Variants in OLFM2 observed in about 807,000 individuals in gnomAD.
OLFM2 encodes the protein olfactomedin 2.
OLFM2 carries 20 observed loss-of-function variants against 43.9 expected under a neutral mutation model. That is an observed-to-expected ratio of 0.46 (90% CI 0.32 to 0.66). OLFM2 has a LOEUF of 0.66. Ranked by LOEUF, OLFM2 falls within the 30% of genes least tolerant of loss-of-function variation. OLFM2 has a pLI of 0.04. For missense variants in OLFM2, 416 were observed against 643.6 expected (o/e 0.65, Z 3.83); for synonymous variants, 268 against 278.6 (o/e 0.96, Z 0.38).
chr19:9,864,788 T>C (rs975211231), intron 1 of OLFM2, among the ~76,000 whole-genome samples: 1 of 12,070 alleles, frequency 8.3e-5, no homozygotes, highest in Non-Finnish European at 2.5e-4. Context: ...CACACCCAGC[T>C]TTTTTTTTTT....
intron 1 of OLFM2, among the ~76,000 whole-genome samples, chr19:9,910,378 G>A (rs1257319426): frequency 6.6e-6 from 1 of 152,058 alleles, no homozygotes; most frequent in Non-Finnish European, 1.5e-5. Flanking sequence ...CACTGAGCTG[G>A]GGGTTTTCAA....
chr19:9,935,083 CA>C (rs2086507490), intron 1 of OLFM2, among the ~76,000 whole-genome samples: 3 of 152,138 alleles, frequency 2.0e-5, no homozygotes, highest in African/African-American at 7.2e-5. Context: ...CGAGCTTGAG[CA>C]AGTGATTTAA....
At chr19:9,911,568 T>C (rs2046827615) in intron 1 of OLFM2, among the ~76,000 whole-genome samples, 1 of 152,050 alleles carries the variant, frequency 6.6e-6, no homozygotes, top group Non-Finnish European at 1.5e-5. Flanking sequence ...ACACACACTT[T>C]CATAAATACA....
At chr19:9,904,006 A>C (rs1380820624) in intron 1 of OLFM2, among the ~76,000 whole-genome samples, 2 of 152,192 alleles carry the variant, frequency 1.3e-5, no homozygotes, top group South Asian at 2.1e-4. Context: ...TGGGCACTAC[A>C]CTGAGGGCTG....
chr19:9,854,918 C>G lies in OLFM2; in HGVS notation c.688-55G>C. 8 of 1,368,156 alleles carry G rather than the reference C, an allele frequency of 5.8e-6. 1 individual carries two copies. The South Asian group carries it at 1.0e-4, about 17-fold the overall frequency. The allele number at this position is 1,368,156 out of a possible 1,614,324, so 84.8% of individuals were successfully genotyped here. A position where few individuals can be genotyped will look rare whatever the true frequency, so the allele number is the denominator to read the frequency against. On this transcript the variant is annotated intron_variant, in intron 5 of 5. Transcript: ENST00000264833. This position sits in a 1 kb window ranked among gnomAD's most constrained non-coding sequence, Gnocchi z 9.5. ...GAACCACCACCAACGACCCAAGGGTCCCAGCACCAGCTACAGCCATTAGAG... is the reference window on the plus strand; with the variant it reads ...GAACCACCACCAACGACCCAAGGGTGCCAGCACCAGCTACAGCCATTAGAG...
chr19:9,862,903 G>A (rs893158894), intron 1 of OLFM2, among the ~76,000 whole-genome samples: 62 of 140,766 alleles, frequency 4.4e-4, no homozygotes, highest in African/African-American at 1.4e-3. Context: ...TGAACCTGGC[G>A]GGGTGGGGGC....
chr19:9,909,429 T>C (rs2046810503), intron 1 of OLFM2, among the ~76,000 whole-genome samples: 1 of 152,200 alleles, frequency 6.6e-6, no homozygotes, highest in Admixed American at 6.5e-5. Context: ...GGATGGTTTA[T>C]GGCTGGGAGT....
chr19:9,891,457 T>C (rs1241021403), intron 1 of OLFM2, among the ~76,000 whole-genome samples: 5 of 151,340 alleles, frequency 3.3e-5, no homozygotes, highest in Non-Finnish European at 5.9e-5. Flanking sequence ...AAATCCTGTC[T>C]CTACTAAAAA....
chr19:9,900,299 C>T (rs980839935), intron 1 of OLFM2, among the ~76,000 whole-genome samples: 1 of 151,986 alleles, frequency 6.6e-6, no homozygotes, highest in African/African-American at 2.4e-5. Flanking sequence ...AAAAGATGGA[C>T]CTTCTCCAGC....
intron 1 of OLFM2, among the ~76,000 whole-genome samples, chr19:9,890,200 C>A (rs7245579): frequency 6.6e-6 from 1 of 152,042 alleles, no homozygotes. Flanking sequence ...TTCTTCTTCC[C>A]CAGTGTCTGT....
chr19:9,924,646 T>C (rs1333800936), intron 1 of OLFM2, among the ~76,000 whole-genome samples: 1 of 151,942 alleles, frequency 6.6e-6, no homozygotes, highest in Non-Finnish European at 1.5e-5. Context: ...TACATGCAAG[T>C]GTCTTTTTTA....
chr19:9,862,523 A>C (rs2046371943), intron 1 of OLFM2, among the ~76,000 whole-genome samples: 1 of 152,042 alleles, frequency 6.6e-6, no homozygotes, highest in Admixed American at 6.6e-5. Flanking sequence ...AATTAAAAAA[A>C]AAAAAAAATT....
intron 1 of OLFM2, among the ~76,000 whole-genome samples, chr19:9,935,959 G>A (rs990202995): frequency 6.6e-6 from 1 of 152,170 alleles, no homozygotes; most frequent in Admixed American, 6.5e-5. Context: ...GAAGTCAAGG[G>A]TAAGCAACCG....
rs539558550 is a variant in OLFM2, at chr19:9,855,243, T to G, written c.688-380A>C. 5.6e-5 allele frequency among the ~76,000 whole-genome samples: 8 copies of G among 141,966 alleles called. No homozygotes were observed. The South Asian group carries it at 1.8e-3, about 31-fold the overall frequency. The allele number at this position is 141,966 out of a possible 152,430, so 93.1% of individuals were successfully genotyped here. A position where few individuals can be genotyped will look rare whatever the true frequency, so the allele number is the denominator to read the frequency against. Reference sequence around the variant, plus strand: ...TTGGTCTTTTTTTTTTTTAAGTAATTTTTTTTTTTTTTTTTGAGATGGAGT... The same window carrying G: ...TTGGTCTTTTTTTTTTTTAAGTAATGTTTTTTTTTTTTTTTGAGATGGAGT... On this transcript the variant is annotated intron_variant, in intron 5 of 5. Coordinates refer to ENST00000264833, the MANE Select transcript of OLFM2 (RefSeq NM_058164.4).
intron 5 of OLFM2, among the ~76,000 whole-genome samples, chr19:9,855,241 AT>A (rs1216061769): frequency 0.014 from 1,921 of 134,140 alleles, 15 homozygotes; most frequent in African/African-American, 0.033. Flanking sequence ...TTTTTAAGTA[AT>A]TTTTTTTTTT....
At chr19:9,888,214 T>C (rs1389672795) in intron 1 of OLFM2, among the ~76,000 whole-genome samples, 1 of 152,000 alleles carries the variant, frequency 6.6e-6, no homozygotes, top group Non-Finnish European at 1.5e-5. Flanking sequence ...TACTGAAATG[T>C]CATTGTCTCA....
intron 2 of OLFM2, among the ~76,000 whole-genome samples, chr19:9,859,151 TCCCAGAAACTCAGCAGCCTAATA>T (rs1255033274): frequency 6.6e-6 from 1 of 152,180 alleles, no homozygotes; most frequent in African/African-American, 2.4e-5. Context: ...ACTTGGAAAC[TCCCAGAAACTCAGCAGCCTAATA>T]CCCACCCTGA....
intron 1 of OLFM2, among the ~76,000 whole-genome samples, chr19:9,866,188 G>A (rs2046401422): frequency 1.3e-5 from 2 of 152,198 alleles, no homozygotes; most frequent in Admixed American, 1.3e-4. Context: ...CCAGATCGCA[G>A]CAGGCAGAGG....
intron 1 of OLFM2, among the ~76,000 whole-genome samples, chr19:9,872,673 T>C (rs1003816980): frequency 3.3e-5 from 5 of 152,148 alleles, no homozygotes; most frequent in African/African-American, 1.2e-4. Flanking sequence ...CACATATTCA[T>C]TCATCCATCC....
Sources: gnomAD v4.1 joint callset for allele counts (sites outside exome capture counted in the v4.1 genomes callset) on GRCh38, gnomAD v4.1.1 for gene constraint, Gnocchi (gnomAD v3.1) non-coding constraint, MANE v1.5 for transcripts, NCBI Gene and HGNC (gene_info 2026-07-23, HGNC 2026-07-21) for gene names.